CBL: variants seen among roughly 807,000 people sequenced by gnomAD.
CBL encodes the protein E3 ubiquitin-protein ligase CBL.
CBL carries 45 observed loss-of-function variants against 96.9 expected under a neutral mutation model. The ratio of observed to expected loss-of-function variants is 0.46; its 90% confidence interval spans 0.37 to 0.60. The LOEUF is 0.60. Ranked by LOEUF, CBL falls within the 20% of genes least tolerant of loss-of-function variation. The pLI, the probability that CBL is intolerant of heterozygous loss-of-function variation, is 0.00. For missense variants in CBL, 1,024 were observed against 1,143.5 expected (o/e 0.90, Z 1.51); for synonymous variants, 420 against 426.8 (o/e 0.98, Z 0.20).
chr11:119,248,473 A>T (rs979186855), intron 2 of CBL, among the ~76,000 whole-genome samples: 1 of 152,032 alleles, frequency 6.6e-6, no homozygotes, highest in African/African-American at 2.4e-5. Context: ...CTGCAGAAGG[A>T]TGGGCCAAAA....
At chr11:119,218,431 G>C (rs565090643) in intron 1 of CBL, among the ~76,000 whole-genome samples, 1 of 152,304 alleles carries the variant, frequency 6.6e-6, no homozygotes, top group African/African-American at 2.4e-5. Context: ...AACATTTACA[G>C]TAGTCCCTTC....
In CBL at chr11:119,232,754, C is replaced by T. The variant is rs374926127; in HGVS notation, c.443+59C>T. The T allele has an allele frequency of 1.5e-4, 222 of 1,512,510 alleles. 1 individual carries two copies. The African/African-American group carries it at 2.5e-3, about 17-fold the overall frequency. The allele number at this position is 1,512,510 out of a possible 1,614,324, so 93.7% of individuals were successfully genotyped here. On this transcript the variant is annotated intron_variant, in intron 2 of 15. Transcript: ENST00000264033. ...GGTCTGTGACTGCCTGAATGGGTAA[C>T]ACATAGAAGTAGTTGAGTTGGTTTT...
rs1950122167 is a variant in CBL, at chr11:119,304,573, A to G, written c.*4792A>G. On this transcript the variant is annotated 3_prime_UTR_variant, in exon 16 of 16. Transcript: ENST00000264033. ...AATAGGCACTCTAGTCCTCAAGTCT[A>G]CACCACCTTCCAACTCTGGGGATCA... 1 of 232,206 alleles carries G rather than the reference A, an allele frequency of 4.3e-6. No homozygotes were observed. The highest frequency in any genetic ancestry group is 8.5e-6 in the Non-Finnish European group (1 of 117,634). 14.4% of individuals were successfully genotyped at this position (232,206 alleles called of 1,614,324 possible). A position where few individuals can be genotyped will look rare whatever the true frequency, so the allele number is the denominator to read the frequency against.
chr11:119,214,472 C>T (rs1949342040), intron 1 of CBL, among the ~76,000 whole-genome samples: 2 of 152,164 alleles, frequency 1.3e-5, no homozygotes, highest in Admixed American at 6.6e-5. Flanking sequence ...TGGTCTCAAA[C>T]TTCTGGCCTC....
intron 11 of CBL, among the ~76,000 whole-genome samples, chr11:119,287,238 G>C (rs1949990979): frequency 6.6e-6 from 1 of 152,124 alleles, no homozygotes; most frequent in Non-Finnish European, 1.5e-5. Context: ...GCAGTCAGTG[G>C]GTGGAAAAAA....
intron 2 of CBL, among the ~76,000 whole-genome samples, chr11:119,238,313 G>A (rs547126484): frequency 5.5e-4 from 83 of 151,552 alleles, no homozygotes; most frequent in Non-Finnish European, 1.0e-3. Flanking sequence ...GGGTTCAAGC[G>A]ATTCTCCTGC....
chr11:119,220,856 G>T (rs988855067), intron 1 of CBL, among the ~76,000 whole-genome samples: 1 of 151,794 alleles, frequency 6.6e-6, no homozygotes, highest in Non-Finnish European at 1.5e-5. Flanking sequence ...CAAGTAAGGC[G>T]TTTTTCAAAT....
At chr11:119,239,738 TAAA>T (rs1256197658) in intron 2 of CBL, among the ~76,000 whole-genome samples, 1 of 152,112 alleles carries the variant, frequency 6.6e-6, no homozygotes, top group African/African-American at 2.4e-5. Flanking sequence ...TTCATCAGGT[TAAA>T]GAAGTTTCCT....
At chr11:119,274,096 TTTA>T (rs2135299319) in intron 4 of CBL, 72 bp downstream of exon 4, 2 of 1,208,018 alleles carry the variant, frequency 1.7e-6, no homozygotes, top group Non-Finnish European at 2.4e-6. Flanking sequence ...TTTTTTTTTT[TTTA>T]AATAACATTT....
intron 1 of CBL, among the ~76,000 whole-genome samples, chr11:119,207,512 T>G (rs557659304): frequency 1.3e-5 from 2 of 152,228 alleles, no homozygotes; most frequent in Non-Finnish European, 2.9e-5. Flanking sequence ...CTTTTTTGTT[T>G]GTTTGCTTTT....
intron 1 of CBL, among the ~76,000 whole-genome samples, chr11:119,216,752 C>G (rs1055903443): frequency 2.6e-5 from 4 of 152,112 alleles, no homozygotes; most frequent in Non-Finnish European, 4.4e-5. Flanking sequence ...ATAAAAGATA[C>G]AGAACGAAAT....
intron 9 of CBL, 138 bp from the exon 10 acceptor site, chr11:119,284,831 T>C: frequency 2.0e-6 from 2 of 986,706 alleles, no homozygotes; most frequent in South Asian, 2.6e-5. Context: ...TAAGAGGGTG[T>C]GTGCGACCTC....
chr11:119,296,789 A>T, intron 12 of CBL, 129 bp from the exon 13 acceptor site: 5 of 678,126 alleles, frequency 7.4e-6, no homozygotes, highest in Non-Finnish European at 1.3e-5. Flanking sequence ...CAGAAATAAT[A>T]GTTCCCTAGG....
intron 2 of CBL, among the ~76,000 whole-genome samples, chr11:119,266,610 A>C (rs920385241): frequency 3.9e-5 from 6 of 152,166 alleles, no homozygotes; most frequent in Admixed American, 3.9e-4. Context: ...GAGAAAAGAA[A>C]TGACACCAGT....
At position 119,299,751 on chromosome 11, in the gene CBL, C is replaced by T. The variant is rs762560254; in HGVS notation, c.2691C>T (p.Ser897=). The T allele has an allele frequency of 5.9e-5, 96 of 1,614,054 alleles. 1 individual carries two copies. The South Asian group carries it at 9.3e-4, about 16-fold the overall frequency. The change falls in exon 16 of 16, where the codon TCC becomes TCT. Residue 897 remains serine, a synonymous_variant. Transcript: ENST00000264033. The part of the protein sequence containing the change: ...MAKNILREFV[S]ISSPAHVAT ...AAAACATCCTCCGGGAATTTGTTTC[C>T]ATTTCTTCTCCTGCCCATGTAGCTA...
intron 11 of CBL, among the ~76,000 whole-genome samples, chr11:119,287,355 T>G (rs1949991815): frequency 6.6e-6 from 1 of 152,166 alleles, no homozygotes; most frequent in Non-Finnish European, 1.5e-5. Flanking sequence ...AAGTAGGCAG[T>G]CAGAAATCCA....
intron 12 of CBL, 69 bp from the exon 13 acceptor site, chr11:119,296,849 A>G: frequency 1.2e-6 from 1 of 802,854 alleles, no homozygotes; most frequent in Admixed American, 1.9e-5. Context: ...TTTTTAAGCC[A>G]TTTATTTTAT....
In CBL at chr11:119,305,362, T is replaced by G. The variant is rs1950127567; in HGVS notation, c.*5581T>G. The G allele has an allele frequency of 1.3e-5, 3 of 231,710 alleles. No homozygotes were observed. Among genetic ancestry groups the G allele is most frequent in the South Asian group, 3.6e-4 (2 of 5,524 alleles). The allele number at this position is 231,710 out of a possible 1,614,324, so 14.4% of individuals were successfully genotyped here. On this transcript the variant is annotated 3_prime_UTR_variant, in exon 16 of 16. Coordinates refer to ENST00000264033, the MANE Select transcript of CBL (RefSeq NM_005188.4). ...TCCATTCAGCCTCAGGTCTTTTGCC[T>G]TCTTCCGTGTTTATTTAGAGAGCAG...
At chr11:119,236,734 A>G (rs1365859388) in intron 2 of CBL, among the ~76,000 whole-genome samples, 1 of 151,710 alleles carries the variant, frequency 6.6e-6, no homozygotes, top group East Asian at 1.9e-4. Flanking sequence ...CTAGCAATGT[A>G]TGTGGGTTCT....
Sources: gnomAD v4.1 joint callset for allele counts (sites outside exome capture counted in the v4.1 genomes callset) on GRCh38, gnomAD v4.1.1 for gene constraint, MANE v1.5 for transcripts, NCBI Gene and HGNC (gene_info 2026-07-23, HGNC 2026-07-21) for gene names.